Variants in SLC14A2 observed in about 807,000 individuals in gnomAD.
SLC14A2 encodes solute carrier family 14 member 2.
A neutral mutation model predicts 104.6 loss-of-function variants in SLC14A2; 91 were observed. That is an observed-to-expected ratio of 0.87 (90% CI 0.73 to 1.04). The LOEUF (loss-of-function observed/expected upper bound fraction) is 1.04, where lower values mean the gene tolerates loss of function less well. SLC14A2 is among the 50% of genes least tolerant of loss of function. The pLI is 0.00. For synonymous variants in SLC14A2, 476 were observed against 466.4 expected (o/e 1.02, Z -0.27); for missense variants, 1,189 against 1,156.0 (o/e 1.03, Z -0.41).
intron 2 of SLC14A2, among the ~76,000 whole-genome samples, chr18:45,510,624 A>G (rs1263170088): frequency 6.6e-6 from 1 of 152,060 alleles, no homozygotes; most frequent in Non-Finnish European, 1.5e-5. Flanking sequence ...ACCCAGAGGC[A>G]GAATCAAAAG....
intron 16 of SLC14A2, among the ~76,000 whole-genome samples, chr18:45,670,660 G>T (rs954619865): frequency 6.6e-6 from 1 of 152,066 alleles, no homozygotes; most frequent in Non-Finnish European, 1.5e-5. Flanking sequence ...TCGATTTTGG[G>T]GTTTCTGTTT....
At chr18:45,354,147 A>C (rs2085528896) in intron 1 of SLC14A2, among the ~76,000 whole-genome samples, 1 of 152,204 alleles carries the variant, frequency 6.6e-6, no homozygotes, top group Admixed American at 6.5e-5. Flanking sequence ...ATACTACGTA[A>C]ATATAAAGAC....
intron 1 of SLC14A2, among the ~76,000 whole-genome samples, chr18:45,413,972 G>A (rs866627166): frequency 6.6e-6 from 1 of 152,106 alleles, no homozygotes; most frequent in Non-Finnish European, 1.5e-5. Flanking sequence ...AGAAAATCAC[G>A]TGGAGGTCTA....
chr18:45,579,985 A>G (rs1326945071), intron 2 of SLC14A2, among the ~76,000 whole-genome samples: 1 of 152,224 alleles, frequency 6.6e-6, no homozygotes, highest in Admixed American at 6.5e-5. Context: ...GGACTCGGGA[A>G]GCCTTGAGGT....
In SLC14A2 at chr18:45,542,035, GTTTTTTTTTTTTTTTTTTTTTTTTTT is replaced by G. The variant is rs60977948; in HGVS notation, c.-35+58725_-35+58750del. On this transcript the variant is annotated intron_variant, in intron 2 of 20. Coordinates refer to the SLC14A2 transcript ENST00000586448. ...GGGCTTGTTAGATGAAAGAGAGAGG[GTTTTTTTTTTTTTTTTTTTTTTTTTT>G]TTTTTTTTTTTGCTTTTGAGTTTCC... 7.5e-3 allele frequency among the ~76,000 whole-genome samples: 406 copies of G among 54,250 alleles called. 15 individuals carry two copies. In the East Asian group the frequency reaches 0.075, roughly 10 times the overall value. The allele number at this position is 54,250 out of a possible 152,430, so 35.6% of individuals were successfully genotyped here. A position where few individuals can be genotyped will look rare whatever the true frequency, so the allele number is the denominator to read the frequency against.
chr18:45,178,685 G>A, the SLC14A2 span, among the ~76,000 whole-genome samples: 2 of 152,110 alleles, frequency 1.3e-5, no homozygotes, highest in African/African-American at 4.8e-5. Flanking sequence ...ATCACCATAA[G>A]CACATAATTA....
chr18:45,496,601 AG>A (rs2043102523), intron 2 of SLC14A2, among the ~76,000 whole-genome samples: 1 of 152,156 alleles, frequency 6.6e-6, no homozygotes, highest in South Asian at 2.1e-4. Context: ...CCCCATCTCT[AG>A]CAAAAATACA....
chr18:45,348,531 T>C (rs1301950918), intron 1 of SLC14A2, among the ~76,000 whole-genome samples: 3 of 152,322 alleles, frequency 2.0e-5, no homozygotes, highest in African/African-American at 7.2e-5. Context: ...GCTGGAATTA[T>C]ACTCATGGTC....
Position 45,475,450 on chromosome 18 carries a change from T to C in SLC14A2, c.-124-7783T>C, listed in dbSNP as rs542881843. The stretch of plus-strand genomic sequence containing the variant: ...TTCTGTCTCATTGATCTGTCAAATA[T>C]TGACAGTGGGGTGTTAATACACTAT... On this transcript the variant is annotated intron_variant, in intron 1 of 20. Coordinates refer to the SLC14A2 transcript ENST00000586448. Among the ~76,000 whole-genome samples, 8 of 151,848 alleles carry C rather than the reference T, an allele frequency of 5.3e-5. No homozygotes were observed. The South Asian group carries it at 6.2e-4, about 12-fold the overall frequency.
In SLC14A2 at chr18:45,341,707, C is replaced by T. The variant is rs1027856461; in HGVS notation, c.-125+128516C>T. On this transcript the variant is annotated intron_variant, in intron 1 of 20. Coordinates refer to the SLC14A2 transcript ENST00000586448. The stretch of plus-strand genomic sequence containing the variant: ...TGCTGGGTTCAAGCAATTCTCCTGC[C>T]TCAGCATCCCGAGTTGCTGGAACTA... Among the ~76,000 whole-genome samples the T allele has an allele frequency of 4.7e-5, 7 of 150,458 alleles. No homozygotes were observed. The East Asian group carries it at 1.4e-3, about 29-fold the overall frequency.
the SLC14A2 span, among the ~76,000 whole-genome samples, chr18:45,205,495 T>A: frequency 3.3e-5 from 5 of 152,284 alleles, no homozygotes; most frequent in Non-Finnish European, 7.4e-5. Flanking sequence ...AAGCGAGCCG[T>A]ATAATGAGGA....
chr18:45,403,393 C>A (rs1438485024), intron 1 of SLC14A2, among the ~76,000 whole-genome samples: 1 of 152,220 alleles, frequency 6.6e-6, no homozygotes, highest in Non-Finnish European at 1.5e-5. Context: ...TAATTTAATT[C>A]TACCATAGAA....
intron 16 of SLC14A2, among the ~76,000 whole-genome samples, chr18:45,671,756 G>A (rs551817081): frequency 2.6e-5 from 4 of 152,292 alleles, no homozygotes; most frequent in South Asian, 2.1e-4. Flanking sequence ...CCGGCCACGC[G>A]CAGAGGGAAG....
chr18:45,452,622 T>C (rs1362375038), intron 1 of SLC14A2, among the ~76,000 whole-genome samples: 1 of 152,216 alleles, frequency 6.6e-6, no homozygotes, highest in Non-Finnish European at 1.5e-5. Context: ...CATTTACATT[T>C]CTCTCTCCAA....
At chr18:45,619,143 G>C (rs1332427629) in intron 1 of SLC14A2, among the ~76,000 whole-genome samples, 2 of 152,326 alleles carry the variant, frequency 1.3e-5, no homozygotes, top group East Asian at 1.9e-4. Context: ...GCTGGGACTT[G>C]CTTGCCCAAA....
intron 1 of SLC14A2, among the ~76,000 whole-genome samples, chr18:45,463,553 T>C (rs934277026): frequency 3.2e-4 from 49 of 152,222 alleles, no homozygotes; most frequent in African/African-American, 1.1e-3. Flanking sequence ...ATTTGACACA[T>C]GCAGGGAGCA....
At chr18:45,561,342 T>A (rs1450201899) in intron 2 of SLC14A2, among the ~76,000 whole-genome samples, 1 of 152,142 alleles carries the variant, frequency 6.6e-6, no homozygotes, top group African/African-American at 2.4e-5. Flanking sequence ...TTCCCTATAG[T>A]CCCACTTAGT....
intron 1 of SLC14A2, among the ~76,000 whole-genome samples, chr18:45,414,656 T>G (rs995081919): frequency 2.7e-5 from 4 of 150,276 alleles, no homozygotes; most frequent in Admixed American, 6.7e-5. Context: ...AAAGTTAGTC[T>G]TCTTTCAAAT....
At chr18:45,292,630 A>T (rs2084880924) in intron 1 of SLC14A2, among the ~76,000 whole-genome samples, 1 of 152,168 alleles carries the variant, frequency 6.6e-6, no homozygotes, top group Non-Finnish European at 1.5e-5. Flanking sequence ...CTTTCTCCTT[A>T]AATAGGGTCC....
Sources: gnomAD v4.1 joint callset for allele counts (sites outside exome capture counted in the v4.1 genomes callset) on GRCh38, gnomAD v4.1.1 for gene constraint, MANE v1.5 for transcripts, NCBI Gene and HGNC (gene_info 2026-07-23, HGNC 2026-07-21) for gene names.